The following DOP1B variants were observed in gnomAD, a reference collection of about 807,000 sequenced individuals.
The protein encoded by DOP1B is protein DOP1B.
Under a neutral mutation model 233.5 loss-of-function variants are expected in DOP1B, and 174 were observed. The observed-to-expected ratio is 0.75, with a 90% CI of 0.66 to 0.85. DOP1B has a LOEUF of 0.85. Ranked by LOEUF, DOP1B falls within the 40% of genes least tolerant of loss-of-function variation. The pLI is 0.00. For missense variants in DOP1B, 2,652 were observed against 2,846.6 expected, an observed-to-expected ratio of 0.93 and a Z score of 1.56; for synonymous variants, 1,190 against 1,185.6, an observed-to-expected ratio of 1.00 and a Z score of -0.08.
chr21:36,210,650 CA>C (rs1158790181), intron 5 of DOP1B, among the ~76,000 whole-genome samples: 3 of 150,688 alleles, frequency 2.0e-5, no homozygotes, highest in Admixed American at 6.6e-5. Flanking sequence ...GTCTGAAAAA[CA>C]AACAAAAAAA....
intron 7 of DOP1B, among the ~76,000 whole-genome samples, chr21:36,212,821 G>A (rs1329039951): frequency 1.3e-5 from 2 of 152,040 alleles, no homozygotes. Context: ...TCACTCCGTC[G>A]CCCAGACTGG....
intron 12 of DOP1B, among the ~76,000 whole-genome samples, chr21:36,227,314 A>G (rs1242864955): frequency 5.2e-4 from 78 of 151,374 alleles, no homozygotes; most frequent in East Asian, 1.2e-3. Flanking sequence ...TTGGGAGGCC[A>G]AGGTGGATGG....
At chr21:36,206,028 G>C (rs541971577) in intron 4 of DOP1B, among the ~76,000 whole-genome samples, 3 of 150,344 alleles carry the variant, frequency 2.0e-5, no homozygotes, top group South Asian at 2.1e-4. Flanking sequence ...AAAAAGTTTA[G>C]AGTTCTGGAC....
At chr21:36,292,526 G>A (rs2146263045) in intron 36 of DOP1B, among the ~76,000 whole-genome samples, 1 of 151,794 alleles carries the variant, frequency 6.6e-6, no homozygotes, top group South Asian at 2.1e-4. Context: ...CTGGTTTCAA[G>A]CAATTCTCCT....
intron 2 of DOP1B, among the ~76,000 whole-genome samples, chr21:36,179,864 C>T (rs1358952848): frequency 6.6e-6 from 1 of 152,100 alleles, no homozygotes; most frequent in Admixed American, 6.6e-5. Context: ...CATCTTTACG[C>T]ACGTGGCTAT....
intron 31 of DOP1B, among the ~76,000 whole-genome samples, chr21:36,280,616 T>C (rs897303142): frequency 6.6e-6 from 1 of 152,220 alleles, no homozygotes; most frequent in South Asian, 2.1e-4. Context: ...ATCTTGACAT[T>C]TGTGCTGAAA....
chr21:36,228,001 G>A, intron 13 of DOP1B, 124 bp downstream of exon 13: 1 of 986,308 alleles, frequency 1.0e-6, no homozygotes, highest in Non-Finnish European at 1.4e-6. Flanking sequence ...CAGGTGATAT[G>A]TCAAATATGC....
chr21:36,231,844 ATTTTTT>A (rs35336231), intron 14 of DOP1B, among the ~76,000 whole-genome samples: 1 of 119,934 alleles, frequency 8.3e-6, no homozygotes, highest in Admixed American at 8.6e-5. Context: ...CGCCCAGCTA[ATTTTTT>A]TTTTTTTTTT....
rs752001914 is a variant in DOP1B, at chr21:36,230,717, G to A, written c.1933G>A (p.Val645Ile). Residue 645 changes from valine (V) to isoleucine (I), a missense_variant, in exon 14 of 37, where the codon GTA becomes ATA. Around this residue, in one of 3 missense-constraint regions of DOP1B, gnomAD observed 2,617 missense variants for 2,794.3 expected, o/e 0.94. Transcript: ENST00000691173. Reference sequence around the variant, plus strand: ...CTTTGCCAGCAAGAACATTTTTGGAGTACAGCTGACAGCGTCAGGAGAAGA... The same window carrying A: ...CTTTGCCAGCAAGAACATTTTTGGAATACAGCTGACAGCGTCAGGAGAAGA... Reference protein sequence around the residue: ...ANFASKNIFGVQLTASGEESK... With the variant: ...ANFASKNIFGIQLTASGEESK... 6.2e-7 allele frequency: 1 copy of A among 1,614,190 alleles called. No individual in the cohort carries two copies. Among genetic ancestry groups the A allele is most frequent in the South Asian group, 1.1e-5 (1 of 91,084 alleles).
intron 14 of DOP1B, among the ~76,000 whole-genome samples, chr21:36,231,671 G>GTTTTTTT (rs1223755186): frequency 6.8e-6 from 1 of 146,432 alleles, no homozygotes. Context: ...TTTGTGTTGG[G>GTTTTTTT]TTTTTTTGTT....
chr21:36,260,656 T>C (rs118089059), intron 23 of DOP1B, 21 bp from the exon 24 acceptor site: 1 of 1,613,106 alleles, frequency 6.2e-7, no homozygotes, highest in East Asian at 2.2e-5. Flanking sequence ...TCGGAGTAAT[T>C]GGTTTTACTT....
chr21:36,187,968 C>G (rs1422286072), intron 2 of DOP1B, among the ~76,000 whole-genome samples: 1 of 152,038 alleles, frequency 6.6e-6, no homozygotes, highest in Non-Finnish European at 1.5e-5. Flanking sequence ...TTCAGTTCTA[C>G]TCCTACTCAA....
At chr21:36,257,127 T>C (rs946361626) in intron 23 of DOP1B, among the ~76,000 whole-genome samples, 10 of 152,166 alleles carry the variant, frequency 6.6e-5, no homozygotes, top group Non-Finnish European at 1.0e-4. Flanking sequence ...TACTGGTTTA[T>C]TATAAAGGCT....
chr21:36,276,916 T>C, intron 27 of DOP1B, 105 bp from the exon 28 acceptor site: 1 of 1,033,078 alleles, frequency 9.7e-7, no homozygotes, highest in Non-Finnish European at 1.5e-6. Context: ...ACAATTGGTA[T>C]GAAAGGCGGG....
chr21:36,217,070 A>G (rs1359265732), intron 9 of DOP1B, among the ~76,000 whole-genome samples: 3 of 80,550 alleles, frequency 3.7e-5, no homozygotes, highest in Non-Finnish European at 2.4e-5. Flanking sequence ...GCGAGACTCC[A>G]TCTCAAAAAA....
At chr21:36,229,692 C>T (rs1268806922) in intron 13 of DOP1B, among the ~76,000 whole-genome samples, 1 of 139,402 alleles carries the variant, frequency 7.2e-6, no homozygotes, top group African/African-American at 2.7e-5. Flanking sequence ...GACAGAGTCT[C>T]TCTCTGTCGC....
chr21:36,259,627 G>A (rs373468938), intron 23 of DOP1B, among the ~76,000 whole-genome samples: 6 of 152,270 alleles, frequency 3.9e-5, no homozygotes, highest in African/African-American at 1.4e-4. Flanking sequence ...CCACAGGGCG[G>A]TCTGTGCTGC....
chr21:36,190,009 CAAA>C (rs541833307), intron 2 of DOP1B, among the ~76,000 whole-genome samples: 6 of 105,838 alleles, frequency 5.7e-5, no homozygotes, highest in Admixed American at 1.0e-4. Flanking sequence ...TACTCCGTCT[CAAA>C]AAAAAAAAAA....
At chr21:36,238,755 G>GGT (rs1417275784) in intron 17 of DOP1B, 54 bp downstream of exon 17, 39 of 1,564,250 alleles carry the variant, frequency 2.5e-5, no homozygotes, top group Non-Finnish European at 3.3e-5. Context: ...ACTCCACAGA[G>GGT]GTGCCTGCCC....
Sources: allele counts gnomAD v4.1 joint callset (sites outside exome capture counted in the v4.1 genomes callset), GRCh38; gene constraint gnomAD v4.1.1; regional missense constraint gnomAD v4.1.1; transcripts MANE v1.5; gene names NCBI Gene and HGNC (gene_info 2026-07-23, HGNC 2026-07-21).